The following ROBO1 variants were observed in gnomAD, a reference collection of about 807,000 sequenced individuals.
ROBO1 encodes roundabout guidance receptor 1, also known as roundabout homolog 1.
Under a neutral mutation model 195.9 loss-of-function variants are expected in ROBO1, and 149 were observed. The ratio of observed to expected loss-of-function variants is 0.76; its 90% CI spans 0.67 to 0.87. The LOEUF (loss-of-function observed/expected upper bound fraction) is 0.87. Among genes scored for constraint, ROBO1 ranks in the 40% least tolerant of loss-of-function variants. The probability of loss-of-function intolerance (pLI) is 0.00; values close to 1 mark genes in which losing one functional copy is unlikely to be tolerated. For synonymous variants in ROBO1, 816 were observed against 733.2 expected (o/e 1.11, Z -1.82); for missense variants, 1,933 against 2,068.3 (o/e 0.93, Z 1.27).
chr3:78,734,086 T>C (rs1209077172), intron 5 of ROBO1, among the ~76,000 whole-genome samples: 1 of 152,148 alleles, frequency 6.6e-6, no homozygotes, highest in Non-Finnish European at 1.5e-5. Context: ...TCTGAGACAC[T>C]TTCTGCTTTC....
intron 3 of ROBO1, among the ~76,000 whole-genome samples, chr3:78,999,999 A>C (rs2077461087): frequency 1.3e-5 from 2 of 152,188 alleles, no homozygotes; most frequent in South Asian, 4.1e-4. Flanking sequence ...ATCATATTCT[A>C]ATTATTCATA....
At chr3:79,694,681 T>A in intron 1 of ROBO1, among the ~76,000 whole-genome samples, 1 of 151,908 alleles carries the variant, frequency 6.6e-6, no homozygotes, top group Non-Finnish European at 1.5e-5. Flanking sequence ...AGTTCTAGAT[T>A]ACATCTTTTT....
intron 2 of ROBO1, among the ~76,000 whole-genome samples, chr3:79,270,139 G>C (rs1398261095): frequency 2.0e-5 from 3 of 148,802 alleles, no homozygotes; most frequent in Non-Finnish European, 4.5e-5. Context: ...AAGTGTTGTC[G>C]ATGTTCCTTG....
At chr3:79,282,468 C>T (rs929949704) in intron 2 of ROBO1, among the ~76,000 whole-genome samples, 4 of 152,102 alleles carry the variant, frequency 2.6e-5, no homozygotes, top group Non-Finnish European at 4.4e-5. Flanking sequence ...CAAGACTTGA[C>T]AAGGGCGTGA....
At chr3:79,421,788 A>C (rs1359267313) in intron 2 of ROBO1, among the ~76,000 whole-genome samples, 2 of 152,116 alleles carry the variant, frequency 1.3e-5, no homozygotes, top group Admixed American at 6.6e-5. Context: ...TAATAAAATA[A>C]ATAAAATGTT....
chr3:79,630,363 C>T (rs1204649039), intron 1 of ROBO1, among the ~76,000 whole-genome samples: 3 of 151,848 alleles, frequency 2.0e-5, no homozygotes, highest in African/African-American at 7.2e-5. Context: ...ATGTGATTAA[C>T]CTTATAAGTA....
chr3:79,534,207 A>G (rs919087306), intron 2 of ROBO1, among the ~76,000 whole-genome samples: 1 of 151,924 alleles, frequency 6.6e-6, no homozygotes, highest in Non-Finnish European at 1.5e-5. Flanking sequence ...TCCAGAAAAG[A>G]AAAACAGTCC....
At chr3:78,892,318 G>C (rs924200927) in intron 4 of ROBO1, among the ~76,000 whole-genome samples, 8 of 152,150 alleles carry the variant, frequency 5.3e-5, no homozygotes, top group Non-Finnish European at 5.9e-5. Context: ...CCCATCTGTG[G>C]AAAAGTTGTC....
At chr3:79,580,112 C>T (rs928486835) in intron 2 of ROBO1, among the ~76,000 whole-genome samples, 6 of 151,686 alleles carry the variant, frequency 4.0e-5, no homozygotes, top group African/African-American at 1.5e-4. Context: ...GTAGATACAT[C>T]GCCCTACTAA....
intron 2 of ROBO1, among the ~76,000 whole-genome samples, chr3:79,164,895 G>T (rs894818152): frequency 1.3e-5 from 2 of 152,072 alleles, no homozygotes; most frequent in Non-Finnish European, 2.9e-5. Flanking sequence ...TGAATCCTCT[G>T]CATTTTTCTC....
intron 2 of ROBO1, among the ~76,000 whole-genome samples, chr3:79,535,230 T>G (rs1439159499): frequency 6.6e-6 from 1 of 152,140 alleles, no homozygotes; most frequent in African/African-American, 2.4e-5. Context: ...TTAGAAACAC[T>G]AGGATGTTCA....
At chr3:79,201,172 T>G (rs1209615983) in intron 2 of ROBO1, among the ~76,000 whole-genome samples, 1 of 152,008 alleles carries the variant, frequency 6.6e-6, no homozygotes, top group Non-Finnish European at 1.5e-5. Context: ...AATAGTTTTC[T>G]GTTTATAGCC....
At chr3:78,980,810 C>T (rs188977174) in intron 3 of ROBO1, among the ~76,000 whole-genome samples, 2 of 152,138 alleles carry the variant, frequency 1.3e-5, no homozygotes, top group East Asian at 3.9e-4. Flanking sequence ...AACTTACACC[C>T]CTGGTAAATA....
At chr3:78,908,084 T>C (rs1412661049) in intron 4 of ROBO1, among the ~76,000 whole-genome samples, 3 of 151,980 alleles carry the variant, frequency 2.0e-5, no homozygotes, top group Non-Finnish European at 4.4e-5. Context: ...TCTCTAAAAC[T>C]TGAAGTCACT....
At chr3:78,599,089 T>C (rs561708734) in intron 30 of ROBO1, among the ~76,000 whole-genome samples, 162 bp from the exon 31 acceptor site, 5 of 152,314 alleles carry the variant, frequency 3.3e-5, no homozygotes, top group African/African-American at 9.6e-5. Context: ...TTCATCAACC[T>C]TAATTGGTCT....
At chr3:79,391,796 T>C (rs2036960236) in intron 2 of ROBO1, among the ~76,000 whole-genome samples, 1 of 152,142 alleles carries the variant, frequency 6.6e-6, no homozygotes, top group African/African-American at 2.4e-5. Flanking sequence ...TAATTGTTTT[T>C]CTCTATTTTA....
At chr3:79,038,790 T>C (rs1156364212) in intron 3 of ROBO1, among the ~76,000 whole-genome samples, 1 of 151,850 alleles carries the variant, frequency 6.6e-6, no homozygotes, top group Non-Finnish European at 1.5e-5. Context: ...CAATATGACA[T>C]GAGGCCATGA....
At chr3:79,648,462 G>A (rs1945900462) in intron 1 of ROBO1, among the ~76,000 whole-genome samples, 1 of 152,020 alleles carries the variant, frequency 6.6e-6, no homozygotes, top group Non-Finnish European at 1.5e-5. Context: ...AACACACCAT[G>A]AGCGTGAGTT....
chr3:79,612,213 T>C (rs1484003164), intron 1 of ROBO1, among the ~76,000 whole-genome samples: 4 of 145,636 alleles, frequency 2.7e-5, no homozygotes, highest in African/African-American at 1.0e-4. Context: ...CAGAGTGTGA[T>C]ATTCCCCTTT....
Sources: allele counts gnomAD v4.1 joint callset (sites outside exome capture counted in the v4.1 genomes callset), GRCh38; gene constraint gnomAD v4.1.1; transcripts MANE v1.5; gene names NCBI Gene and HGNC (gene_info 2026-07-23, HGNC 2026-07-21).